Variants in RAB11FIP3 observed in about 807,000 individuals in gnomAD.
The protein encoded by RAB11FIP3 is RAB11 family interacting protein 3.
A neutral mutation model predicts 77.8 loss-of-function variants in RAB11FIP3; 17 were observed. That is an observed-to-expected ratio of 0.22 (90% confidence interval 0.15 to 0.33). The LOEUF is 0.33. Among genes scored for constraint, RAB11FIP3 ranks in the 10% least tolerant of loss-of-function variants. The pLI, the probability that RAB11FIP3 is intolerant of heterozygous loss-of-function variation, is 1.00. For synonymous variants in RAB11FIP3, 437 were observed against 448.2 expected (o/e 0.98, Z 0.31); for missense variants, 1,005 against 1,011.2 (o/e 0.99, Z 0.08).
chr16:449,644 C>T (rs1224838503), intron 1 of RAB11FIP3, among the ~76,000 whole-genome samples: 1 of 114,226 alleles, frequency 8.8e-6, no homozygotes, highest in Non-Finnish European at 2.0e-5. Flanking sequence ...GAGACCCTAT[C>T]TCAAAAAAAA....
intron 5 of RAB11FIP3, among the ~76,000 whole-genome samples, chr16:495,313 C>T (rs573729773): frequency 1.3e-5 from 2 of 152,332 alleles, no homozygotes; most frequent in East Asian, 3.9e-4. Context: ...CCACCCAGGG[C>T]TGAGGTCTGC....
At position 482,430 on chromosome 16, in the gene RAB11FIP3, C is replaced by T. The variant is rs115548084; in HGVS notation, c.904-95C>T. ...CAGGCGTCAGACCCCTCCCTCCACA[C>T]TGCCCTCTCCAGGGCCTTGCAGCAG... On this transcript the variant is annotated intron_variant, in intron 3 of 13. Coordinates refer to ENST00000262305, the MANE Select transcript of RAB11FIP3 (RefSeq NM_014700.4). 4.4e-4 allele frequency: 511 copies of T among 1,163,444 alleles called. 2 individuals carry two copies. In the African/African-American group the frequency reaches 6.6e-3, roughly 15 times the overall value. The allele number at this position is 1,163,444 out of a possible 1,614,324, so 72.1% of individuals were successfully genotyped here. A position where few individuals can be genotyped will look rare whatever the true frequency, so the allele number is the denominator to read the frequency against.
In RAB11FIP3 at chr16:502,805, T is replaced by C. The variant is rs117570265; in HGVS notation, c.1302-199T>C. ...GCACGGCCTGCTTTCTCCCAGCCCC[T>C]GGTAAAGATGTCCAGCCTGGGACCT... On this transcript the variant is annotated intron_variant, in intron 6 of 13. Coordinates refer to ENST00000262305, the MANE Select transcript of RAB11FIP3 (RefSeq NM_014700.4). 2.9e-5 allele frequency: 17 copies of C among 585,598 alleles called. No homozygotes were observed. In the East Asian group the frequency reaches 5.2e-4, roughly 18 times the overall value. 36.3% of individuals were successfully genotyped at this position (585,598 alleles called of 1,614,324 possible).
At chr16:519,970 C>G (rs1450494778) in intron 11 of RAB11FIP3, 79 bp downstream of exon 11, 9 of 1,524,194 alleles carry the variant, frequency 5.9e-6, no homozygotes, top group Non-Finnish European at 7.9e-6. Flanking sequence ...GAGACGCTAG[C>G]TCTTGGCTGT....
intron 1 of RAB11FIP3, among the ~76,000 whole-genome samples, chr16:435,156 G>A (rs1427368053): frequency 2.0e-5 from 3 of 150,224 alleles, no homozygotes; most frequent in Non-Finnish European, 4.4e-5. Context: ...AGTGAGTCGA[G>A]ATCTTGCCAC....
At chr16:480,607 C>A (rs2056021313) in intron 3 of RAB11FIP3, among the ~76,000 whole-genome samples, 1 of 151,812 alleles carries the variant, frequency 6.6e-6, no homozygotes, top group African/African-American at 2.4e-5. Context: ...TCAAGCGATT[C>A]TTCTGCCTCA....
chr16:484,287 T>C (rs1164685754), intron 4 of RAB11FIP3, among the ~76,000 whole-genome samples: 2 of 151,106 alleles, frequency 1.3e-5, no homozygotes, highest in Non-Finnish European at 2.9e-5. Context: ...TTCCTTAAGT[T>C]CCCCCACACA....
At chr16:437,973 T>C (rs2055159763) in intron 1 of RAB11FIP3, among the ~76,000 whole-genome samples, 1 of 151,844 alleles carries the variant, frequency 6.6e-6, no homozygotes, top group Non-Finnish European at 1.5e-5. Flanking sequence ...GCACACCTGC[T>C]TAATTTTTAT....
intron 2 of RAB11FIP3, among the ~76,000 whole-genome samples, chr16:465,805 A>G (rs2055692645): frequency 1.3e-5 from 2 of 152,138 alleles, no homozygotes; most frequent in Admixed American, 6.6e-5. Flanking sequence ...GGGTTTTGCC[A>G]TGTTGGCCAG....
At chr16:432,342 A>G (rs1165213935) in intron 1 of RAB11FIP3, among the ~76,000 whole-genome samples, 3 of 152,020 alleles carry the variant, frequency 2.0e-5, no homozygotes, top group Non-Finnish European at 2.9e-5. Flanking sequence ...TTGCCATTGC[A>G]CTCCAGCCTG....
In RAB11FIP3 at chr16:521,063, C is replaced by T; in HGVS notation, c.*224C>T. On this transcript the variant is annotated 3_prime_UTR_variant, in exon 14 of 14. Transcript: ENST00000262305. ...AAAGGGAAGTCCCAGGGCCCGGGGT[C>T]CACAGAGGATGAGGGTTGTGGCAGG... 1 of 587,760 alleles carries T rather than the reference C, an allele frequency of 1.7e-6. No individual in the cohort carries two copies. Among genetic ancestry groups the T allele is most frequent in the Non-Finnish European group, 3.0e-6 (1 of 329,078 alleles). 36.4% of individuals were successfully genotyped at this position (587,760 alleles called of 1,614,324 possible).
chr16:492,277 G>A (rs1300223167), intron 5 of RAB11FIP3, among the ~76,000 whole-genome samples: 3 of 151,810 alleles, frequency 2.0e-5, no homozygotes, highest in South Asian at 2.1e-4. Context: ...GGATGGGGGT[G>A]GGGCCCGGCA....
intron 1 of RAB11FIP3, among the ~76,000 whole-genome samples, chr16:449,429 G>T (rs948361033): frequency 6.6e-6 from 1 of 152,072 alleles, no homozygotes; most frequent in Non-Finnish European, 1.5e-5. Flanking sequence ...GTCCTCCCAG[G>T]TATGGCAGCT....
Position 497,262 on chromosome 16 carries a change from A to G in RAB11FIP3, c.1301+403A>G, listed in dbSNP as rs576482261. ...AAGGTGAGGGATGGGTCTGACTCCA[A>G]TTCCTAAAGACCATTTCTTCATTTT... On this transcript the variant is annotated intron_variant, in intron 6 of 13. Transcript: ENST00000262305. 1.0e-5 allele frequency: 13 copies of G among 1,305,360 alleles called. No homozygotes were observed. The African/African-American group carries it at 1.8e-4, about 18-fold the overall frequency. The allele number at this position is 1,305,360 out of a possible 1,614,324, so 80.9% of individuals were successfully genotyped here. A position where few individuals can be genotyped will look rare whatever the true frequency, so the allele number is the denominator to read the frequency against.
At chr16:450,956 C>T (rs938962311) in intron 1 of RAB11FIP3, among the ~76,000 whole-genome samples, 1 of 151,766 alleles carries the variant, frequency 6.6e-6, no homozygotes, top group South Asian at 2.1e-4. Flanking sequence ...CCTTCTGTTA[C>T]CGCAGCGCTC....
chr16:468,623 CTAGTTTGCTGGGA>C (rs971931065), intron 2 of RAB11FIP3, among the ~76,000 whole-genome samples: 2 of 152,038 alleles, frequency 1.3e-5, no homozygotes, highest in Admixed American at 1.3e-4. Context: ...ATGTGCTGGC[CTAGTTTGCTGGGA>C]AGCACAAGGA....
In RAB11FIP3 at chr16:522,628, G is replaced by A. The variant is rs2032748817; in HGVS notation, c.*1789G>A. The A allele has an allele frequency of 6.6e-6, 1 of 152,254 alleles. No individual in the cohort carries two copies. The highest frequency in any genetic ancestry group is 1.5e-5 in the Non-Finnish European group (1 of 68,058). The allele number at this position is 152,254 out of a possible 1,614,324, so 9.4% of individuals were successfully genotyped here. ...CCTGCCTGGCTCTGCAGCTTGGTCA[G>A]ACTAAGACCCTTCCAAGGCCGTAGG... is the stretch of plus-strand genomic sequence containing the variant. On this transcript the variant is annotated 3_prime_UTR_variant, in exon 14 of 14. Coordinates refer to ENST00000262305, the MANE Select transcript of RAB11FIP3 (RefSeq NM_014700.4).
intron 1 of RAB11FIP3, among the ~76,000 whole-genome samples, chr16:440,088 C>T (rs2055199462): frequency 6.6e-6 from 1 of 152,148 alleles, no homozygotes. Flanking sequence ...GATCCGCCCC[C>T]CCCATCGGCC....
chr16:506,575 C>T lies in RAB11FIP3; in HGVS notation c.1499+948C>T, dbSNP rs1180415276. Among the ~76,000 whole-genome samples, 7 of 152,186 alleles carry T rather than the reference C, an allele frequency of 4.6e-5. No individual in the cohort carries two copies. The highest frequency in any genetic ancestry group is 2.1e-4 in the South Asian group (1 of 4,832). ...CAGGGCTCTGAGCAGCCTGCACACA[C>T]GTGTGTTGGCAGCAGGGCATTTGTG... On this transcript the variant is annotated intron_variant, in intron 8 of 13. Coordinates refer to ENST00000262305, the MANE Select transcript of RAB11FIP3 (RefSeq NM_014700.4). This position sits in a 1 kb window ranked among gnomAD's most constrained non-coding sequence, Gnocchi z 4.5.
Sources: allele counts gnomAD v4.1 joint callset (sites outside exome capture counted in the v4.1 genomes callset), GRCh38; gene constraint gnomAD v4.1.1; non-coding constraint Gnocchi (gnomAD v3.1); transcripts MANE v1.5; gene names NCBI Gene and HGNC (gene_info 2026-07-23, HGNC 2026-07-21).